Variants in PDE6G observed in about 807,000 individuals in gnomAD.
PDE6G encodes the protein rod cGMP 3',5'-cyclic phosphodiesterase subunit gamma.
In PDE6G, 10 loss-of-function variants were observed where a neutral mutation model predicts 10.9. The observed-to-expected ratio is 0.91, with a 90% CI of 0.56 to 1.55. PDE6G has a LOEUF of 1.55. Among genes scored for constraint, PDE6G ranks in the 40% most tolerant of loss-of-function variants. The pLI is 0.00. For missense variants in PDE6G, 102 were observed against 110.1 expected (o/e 0.93, Z 0.33); for synonymous variants, 41 against 42.8 (o/e 0.96, Z 0.16).
upstream of PDE6G, chr17:81,656,988 C>A (rs527262019): frequency 7.9e-5 from 21 of 267,182 alleles, no homozygotes; most frequent in Non-Finnish European, 1.3e-4. Flanking sequence ...GACCCCCCCC[C>A]GCCCTTAGGG....
chr17:81,662,015 G>C (rs1021234360), intron 1 of PDE6G, among the ~76,000 whole-genome samples: 5 of 151,788 alleles, frequency 3.3e-5, no homozygotes, highest in African/African-American at 1.2e-4. Flanking sequence ...TGGGTGACAG[G>C]GCGAGACTCT....
At chr17:81,658,727 G>C (rs2036480231), upstream of PDE6G, among the ~76,000 whole-genome samples, 1 of 151,852 alleles carries the variant, frequency 6.6e-6, no homozygotes, top group African/African-American at 2.4e-5. Context: ...TGTAGTCCCA[G>C]TTACTCAGGA....
intron 1 of PDE6G, 48 bp downstream of exon 1, chr17:81,656,445 T>C (rs893089490): frequency 3.8e-5 from 28 of 735,800 alleles, no homozygotes; most frequent in Admixed American, 2.2e-4. Flanking sequence ...ACTGACTCAC[T>C]GGGGGAAGTG....
In PDE6G at chr17:81,653,082, T is replaced by A; in HGVS notation, c.146+78A>T. The A allele has an allele frequency of 1.3e-6, 2 of 1,517,280 alleles. No homozygotes were observed. Among genetic ancestry groups the A allele is most frequent in the Non-Finnish European group, 1.8e-6 (2 of 1,097,444 alleles). 94.0% of individuals were successfully genotyped at this position (1,517,280 alleles called of 1,614,324 possible). A position where few individuals can be genotyped will look rare whatever the true frequency, so the allele number is the denominator to read the frequency against. On this transcript the variant is annotated intron_variant, in intron 2 of 3. Coordinates refer to ENST00000331056, the MANE Select transcript of PDE6G (RefSeq NM_002602.4). The surrounding 1 kb of genome is among the most constrained non-coding windows in gnomAD (Gnocchi z 5.2). ...CACCCAGTGAAGTGGCCCCAGGCTC[T>A]GCCCCGCCCTCCCCTTCCTGTGCAG...
At position 81,651,028 on chromosome 17, in the gene PDE6G, A is replaced by G. The variant is rs546848481; in HGVS notation, c.*46T>C. 5.8e-6 allele frequency: 8 copies of G among 1,369,396 alleles called. No individual in the cohort carries two copies. In the East Asian group the frequency reaches 1.4e-4, roughly 24 times the overall value. 84.8% of individuals were successfully genotyped at this position (1,369,396 alleles called of 1,614,324 possible). Reference sequence around the variant, plus strand: ...AGGAATCCTGAGCAGGGTTTAGAGCACAGTGGGCAGGAGGGGGAGGGTCTG... The same window carrying G: ...AGGAATCCTGAGCAGGGTTTAGAGCGCAGTGGGCAGGAGGGGGAGGGTCTG... On this transcript the variant is annotated 3_prime_UTR_variant, in exon 4 of 4. Transcript: ENST00000331056. This position sits in a 1 kb window ranked among gnomAD's most constrained non-coding sequence, Gnocchi z 4.8.
At chr17:81,656,980 C>G (rs933119153), upstream of PDE6G, 1 of 146,274 alleles carries the variant, frequency 6.8e-6, no homozygotes, top group Non-Finnish European at 1.4e-5. Context: ...CAAACAAGGA[C>G]CCCCCCCCGC....
chr17:81,650,648 T>C lies in PDE6G; in HGVS notation c.*426A>G. 1 of 455,340 alleles carries C rather than the reference T, an allele frequency of 2.2e-6. No individual in the cohort carries two copies. Among genetic ancestry groups the C allele is most frequent in the South Asian group, 1.6e-5 (1 of 64,490 alleles). The allele number at this position is 455,340 out of a possible 1,614,324, so 28.2% of individuals were successfully genotyped here. ...GGGATGCAGAGACGGGGAGCTTCTC[T>C]GTATCCCCTTACAGGCAGGACAGGG... On this transcript the variant is annotated 3_prime_UTR_variant, in exon 4 of 4. Transcript: ENST00000331056.
At chr17:81,654,306 C>T (rs988463858) in intron 1 of PDE6G, among the ~76,000 whole-genome samples, 2 of 152,092 alleles carry the variant, frequency 1.3e-5, no homozygotes, top group South Asian at 2.1e-4. Flanking sequence ...TCTGATTTGC[C>T]GCTTCTCATC....
chr17:81,661,582 C>T (rs986178311), intron 1 of PDE6G, among the ~76,000 whole-genome samples: 5 of 152,118 alleles, frequency 3.3e-5, no homozygotes, highest in Middle Eastern at 3.4e-3. Flanking sequence ...CCAGGCATGC[C>T]GGGTGCAGTG....
chr17:81,656,977 G>T, upstream of PDE6G: 1 of 272,238 alleles, frequency 3.7e-6, no homozygotes, highest in Non-Finnish European at 7.2e-6. Context: ...AACCAAACAA[G>T]GACCCCCCCC....
chr17:81,653,321 G>T lies in PDE6G; in HGVS notation c.-16C>A. The T allele has an allele frequency of 6.2e-7, 1 of 1,611,014 alleles. No individual in the cohort carries two copies. The highest frequency in any genetic ancestry group is 1.1e-5 in the South Asian group (1 of 91,066). On this transcript the variant is annotated 5_prime_UTR_variant, in exon 2 of 4. Transcript: ENST00000331056. This position sits in a 1 kb window ranked among gnomAD's most constrained non-coding sequence, Gnocchi z 5.2. ...CCAGGTTCATGGTGAGGCTGACGGAGACACCGCGGCAACCTTGGCTCCTGG... is the reference window on the plus strand; with the variant it reads ...CCAGGTTCATGGTGAGGCTGACGGATACACCGCGGCAACCTTGGCTCCTGG...
chr17:81,660,781 C>T (rs906373575), upstream of PDE6G, among the ~76,000 whole-genome samples: 1 of 152,146 alleles, frequency 6.6e-6, no homozygotes, highest in Non-Finnish European at 1.5e-5. Context: ...CGTGAGCTGC[C>T]GTGCCCGGCC....
In PDE6G at chr17:81,653,652, G is replaced by A. The variant is rs908699304; in HGVS notation, c.-59-288C>T. ...CCCTCGCCCCGGCCCACAATCCACA[G>A]CAAACCTAGCCTCCCAACCTGTGGC... is the stretch of plus-strand genomic sequence containing the variant. On this transcript the variant is annotated intron_variant, in intron 1 of 3. Transcript: ENST00000331056. This position sits in a 1 kb window ranked among gnomAD's most constrained non-coding sequence, Gnocchi z 5.2. The A allele has an allele frequency of 5.4e-6, 2 of 367,054 alleles. No individual in the cohort carries two copies. The highest frequency in any genetic ancestry group is 7.6e-5 in the Admixed American group (2 of 26,304). The allele number at this position is 367,054 out of a possible 1,614,324, so 22.7% of individuals were successfully genotyped here. A position where few individuals can be genotyped will look rare whatever the true frequency, so the allele number is the denominator to read the frequency against.
In PDE6G at chr17:81,651,596, C is replaced by A. The variant is rs201820039; in HGVS notation, c.187+49G>T. On this transcript the variant is annotated intron_variant, in intron 3 of 3. Coordinates refer to ENST00000331056, the MANE Select transcript of PDE6G (RefSeq NM_002602.4). The surrounding 1 kb of genome is among the most constrained non-coding windows in gnomAD (Gnocchi z 4.8). Reference sequence around the variant, plus strand: ...ATGGGCCCCGGGCGTGCTGGGTGTGCCTGGGGGGACCTGGGCAGACCTCGG... The same window carrying A: ...ATGGGCCCCGGGCGTGCTGGGTGTGACTGGGGGGACCTGGGCAGACCTCGG... 6 of 1,592,418 alleles carry A rather than the reference C, an allele frequency of 3.8e-6. No individual in the cohort carries two copies. In the African/African-American group the frequency reaches 8.1e-5, roughly 21 times the overall value.
Position 81,653,449 on chromosome 17 carries a change from A to G in PDE6G, c.-59-85T>C. Reference sequence around the variant, plus strand: ...TCTCAACCCACCGGTGGAGGGGCTGAGACCCAGCCCCGCCAGCTCCAGCGT... The same window carrying G: ...TCTCAACCCACCGGTGGAGGGGCTGGGACCCAGCCCCGCCAGCTCCAGCGT... On this transcript the variant is annotated intron_variant, in intron 1 of 3. Coordinates refer to ENST00000331056, the MANE Select transcript of PDE6G (RefSeq NM_002602.4). This position sits in a 1 kb window ranked among gnomAD's most constrained non-coding sequence, Gnocchi z 5.2. 1.1e-6 allele frequency: 1 copy of G among 892,554 alleles called. No homozygotes were observed. The highest frequency in any genetic ancestry group is 1.7e-6 in the Non-Finnish European group (1 of 580,610). 55.3% of individuals were successfully genotyped at this position (892,554 alleles called of 1,614,324 possible).
chr17:81,652,084 A>G (rs928435701), intron 2 of PDE6G, among the ~76,000 whole-genome samples: 1 of 152,114 alleles, frequency 6.6e-6, no homozygotes, highest in East Asian at 1.9e-4. Flanking sequence ...TAAGAGTGTC[A>G]TGCCCGTGTG....
rs371945616 is a variant in PDE6G, at chr17:81,651,068, C to T, written c.*6G>A. The stretch of plus-strand genomic sequence containing the variant: ...GGGAGGGTCTGGACTTCAGCAGGGC[C>T]TCGTGCTAGATGATGCCATATTGGG... On this transcript the variant is annotated 3_prime_UTR_variant, in exon 4 of 4. Coordinates refer to ENST00000331056, the MANE Select transcript of PDE6G (RefSeq NM_002602.4). The surrounding 1 kb of genome is among the most constrained non-coding windows in gnomAD (Gnocchi z 4.8). The T allele has an allele frequency of 1.9e-6, 3 of 1,607,460 alleles. No homozygotes were observed. Among genetic ancestry groups the T allele is most frequent in the Non-Finnish European group, 2.6e-6 (3 of 1,173,984 alleles).
At chr17:81,656,272 G>A (rs1214807376) in intron 1 of PDE6G, among the ~76,000 whole-genome samples, 2 of 152,218 alleles carry the variant, frequency 1.3e-5, no homozygotes, top group African/African-American at 4.8e-5. Flanking sequence ...CTGGCCTGGG[G>A]ATGGTGGAAG....
chr17:81,654,104 C>G (rs1598719854), intron 1 of PDE6G, among the ~76,000 whole-genome samples: 1 of 152,186 alleles, frequency 6.6e-6, no homozygotes, highest in East Asian at 1.9e-4. Context: ...GCGTGAGCCA[C>G]CGCACCCGGC....
Sources: allele counts gnomAD v4.1 joint callset (sites outside exome capture counted in the v4.1 genomes callset), GRCh38; gene constraint gnomAD v4.1.1; non-coding constraint Gnocchi (gnomAD v3.1); transcripts MANE v1.5; gene names NCBI Gene and HGNC (gene_info 2026-07-23, HGNC 2026-07-21).